Variants in FKBP5 observed in about 807,000 individuals in gnomAD.
FKBP5 encodes the protein FKBP prolyl isomerase 5, also known as peptidyl-prolyl cis-trans isomerase FKBP5.
FKBP5 carries 23 observed loss-of-function variants against 50.5 expected under a neutral mutation model. The ratio of observed to expected loss-of-function variants is 0.46; its 90% CI spans 0.33 to 0.65. FKBP5 has a LOEUF of 0.65. Ranked by LOEUF, FKBP5 falls within the 30% of genes least tolerant of loss-of-function variation. The pLI is 0.02. For synonymous variants in FKBP5, 176 were observed against 190.6 expected, an observed-to-expected ratio of 0.92 and a Z score of 0.63; for missense variants, 411 against 553.1, an observed-to-expected ratio of 0.74 and a Z score of 2.58.
At chr6:35,585,779 A>T in intron 8 of FKBP5, 1 of 985,324 alleles carries the variant, frequency 1.0e-6, no homozygotes, top group Middle Eastern at 5.2e-4. Flanking sequence ...TCCTTATAAC[A>T]TATTGCAATA....
At chr6:35,592,125 A>C (rs114276707) in intron 6 of FKBP5, among the ~76,000 whole-genome samples, 1,764 of 152,326 alleles carry the variant, frequency 0.012, 32 homozygotes, top group African/African-American at 0.038. Flanking sequence ...GAAATATATT[A>C]TGTTCCCATT....
At chr6:35,716,550 T>G (rs1766515260) in intron 2 of FKBP5, among the ~76,000 whole-genome samples, 1 of 152,054 alleles carries the variant, frequency 6.6e-6, no homozygotes, top group Admixed American at 6.6e-5. Context: ...ACACACACTC[T>G]TAGAAGACAG....
intron 3 of FKBP5, among the ~76,000 whole-genome samples, chr6:35,635,521 C>G (rs1484901350): frequency 6.6e-6 from 1 of 151,896 alleles, no homozygotes; most frequent in East Asian, 1.9e-4. Flanking sequence ...AGTTCTCAAC[C>G]TTTTTTCCTC....
At chr6:35,684,057 AAAT>A (rs985758348) in intron 1 of FKBP5, among the ~76,000 whole-genome samples, 4 of 152,112 alleles carry the variant, frequency 2.6e-5, no homozygotes, top group Non-Finnish European at 5.9e-5. Context: ...CTGTCTCAAA[AAAT>A]AATAATAATA....
At chr6:35,723,010 G>T (rs747286547) in intron 1 of FKBP5, among the ~76,000 whole-genome samples, 36 of 152,172 alleles carry the variant, frequency 2.4e-4, no homozygotes, top group Non-Finnish European at 4.6e-4. Flanking sequence ...AAGGCGGGCG[G>T]ATCATGAGAT....
Position 35,620,563 on chromosome 6 carries a change from TA to T in FKBP5, c.251-290del, listed in dbSNP as rs564725729. Among the ~76,000 whole-genome samples the T allele has an allele frequency of 7.7e-3, 939 of 122,568 alleles. 3 individuals are homozygous for T. Among genetic ancestry groups the T allele is most frequent in the African/African-American group, 0.015 (487 of 33,230 alleles). The allele number at this position is 122,568 out of a possible 152,430, so 80.4% of individuals were successfully genotyped here. ...GGGCAACACAGCAAGACCTCATCTC[TA>T]AAAAAAAAAAAAAAACACCCCAAAG... On this transcript the variant is annotated intron_variant, in intron 3 of 10. Coordinates refer to ENST00000357266, the MANE Select transcript of FKBP5 (RefSeq NM_004117.4).
chr6:35,699,256 A>G (rs1235519195), intron 2 of FKBP5, among the ~76,000 whole-genome samples: 1 of 152,100 alleles, frequency 6.6e-6, no homozygotes, highest in East Asian at 1.9e-4. Context: ...AGGTGATTGG[A>G]CTTCTGAACA....
chr6:35,634,421 A>G (rs1264125964), intron 3 of FKBP5, among the ~76,000 whole-genome samples: 1 of 152,218 alleles, frequency 6.6e-6, no homozygotes, highest in Admixed American at 6.5e-5. Context: ...CAAAAAATTA[A>G]TATCTCATGA....
intron 1 of FKBP5, among the ~76,000 whole-genome samples, chr6:35,723,836 T>G (rs986890829): frequency 6.6e-6 from 1 of 152,138 alleles, no homozygotes; most frequent in African/African-American, 2.4e-5. Flanking sequence ...TAGGGCTGAG[T>G]GAAAGCCCAC....
chr6:35,580,372 C>A, intron 8 of FKBP5, 151 bp from the exon 9 acceptor site: 1 of 683,602 alleles, frequency 1.5e-6, no homozygotes, highest in East Asian at 2.6e-5. Context: ...GTACCTTTCC[C>A]ACTCCCTTGG....
chr6:35,708,827 G>A (rs1355121059), intron 2 of FKBP5, among the ~76,000 whole-genome samples: 3 of 152,166 alleles, frequency 2.0e-5, no homozygotes, highest in South Asian at 4.1e-4. Context: ...CAGCCATATT[G>A]AAACATGAGG....
chr6:35,583,480 A>G (rs1389116609), intron 8 of FKBP5: 1 of 985,310 alleles, frequency 1.0e-6, no homozygotes, highest in African/African-American at 1.7e-5. Flanking sequence ...CATATATATC[A>G]TGTAACTTTA....
chr6:35,576,047 G>T, intron 10 of FKBP5, 105 bp from the exon 11 acceptor site: 1 of 813,898 alleles, frequency 1.2e-6, no homozygotes, highest in Non-Finnish European at 2.1e-6. Context: ...GTATTGCAAT[G>T]ATTTTCTCTA....
intron 3 of FKBP5, among the ~76,000 whole-genome samples, chr6:35,621,771 T>C (rs1391678740): frequency 6.6e-6 from 1 of 151,710 alleles, no homozygotes; most frequent in Non-Finnish European, 1.5e-5. Context: ...CCCTTGAGCT[T>C]AGGAGTTTGA....
chr6:35,588,831 C>T (rs1376836817), intron 7 of FKBP5, among the ~76,000 whole-genome samples: 3 of 148,846 alleles, frequency 2.0e-5, no homozygotes, highest in African/African-American at 7.4e-5. Flanking sequence ...GTCTCAAACT[C>T]TTGGGCTCAA....
At chr6:35,589,111 TATATATATATATATATA>T (rs1447442576) in intron 7 of FKBP5, among the ~76,000 whole-genome samples, 50 of 97,628 alleles carry the variant, frequency 5.1e-4, no homozygotes, top group African/African-American at 1.8e-3. Flanking sequence ...TATATATTTT[TATATATATATATATATA>T]TTTTTTTTTT....
At chr6:35,723,234 A>G (rs1253600834) in intron 1 of FKBP5, among the ~76,000 whole-genome samples, 1 of 152,100 alleles carries the variant, frequency 6.6e-6, no homozygotes, top group Non-Finnish European at 1.5e-5. Flanking sequence ...CTCCATCTCA[A>G]AAAATAAATA....
At chr6:35,589,550 G>A in intron 7 of FKBP5, among the ~76,000 whole-genome samples, 1 of 152,194 alleles carries the variant, frequency 6.6e-6, no homozygotes, top group East Asian at 1.9e-4. Flanking sequence ...TTGGAGTGAT[G>A]ACAGAGCACA....
intron 2 of FKBP5, among the ~76,000 whole-genome samples, chr6:35,706,594 C>G (rs973208946): frequency 3.3e-5 from 5 of 152,158 alleles, no homozygotes; most frequent in Middle Eastern, 3.4e-3. Context: ...ATGTGGGAAA[C>G]AGGGCAAAGC....
Sources: allele counts gnomAD v4.1 joint callset (sites outside exome capture counted in the v4.1 genomes callset), GRCh38; gene constraint gnomAD v4.1.1; transcripts MANE v1.5; gene names NCBI Gene and HGNC (gene_info 2026-07-23, HGNC 2026-07-21).